The following ERC2 variants were observed in gnomAD, a reference collection of about 807,000 sequenced individuals.
The protein encoded by ERC2 is ERC protein 2.
ERC2 carries 42 observed loss-of-function variants against 114.8 expected under a neutral mutation model. The observed-to-expected ratio is 0.37, with a 90% CI of 0.29 to 0.47. The LOEUF is 0.47. Among genes scored for constraint, ERC2 ranks in the 20% least tolerant of loss-of-function variants. ERC2 has a pLI of 0.99. For synonymous variants in ERC2, 454 were observed against 425.5 expected (o/e 1.07, Z -0.82); for missense variants, 939 against 1,150.7 (o/e 0.82, Z 2.66).
intron 17 of ERC2, among the ~76,000 whole-genome samples, chr3:55,654,149 C>T (rs550403299): frequency 3.3e-5 from 5 of 152,374 alleles, no homozygotes; most frequent in South Asian, 2.1e-4. Context: ...ACACACAGGT[C>T]TCAGCTCCTC....
intron 17 of ERC2, among the ~76,000 whole-genome samples, chr3:55,523,222 A>G (rs2053082256): frequency 6.6e-6 from 1 of 152,206 alleles, no homozygotes; most frequent in Non-Finnish European, 1.5e-5. Flanking sequence ...CCCCTGGAAG[A>G]CCCATGGATA....
chr3:55,868,256 G>A (rs539698107), intron 14 of ERC2, among the ~76,000 whole-genome samples: 6 of 152,306 alleles, frequency 3.9e-5, no homozygotes, highest in Admixed American at 3.3e-4. Flanking sequence ...GTCAAGTCCT[G>A]CATCTACAAC....
rs144620015 is a variant in ERC2 at position 55,779,010 on chromosome 3, A to C, written c.2565-44092T>G. 5.1e-3 allele frequency among the ~76,000 whole-genome samples: 775 copies of C among 152,280 alleles called. 5 individuals are homozygous for C. The highest frequency in any genetic ancestry group is 0.018 in the African/African-American group (728 of 41,552). On this transcript the variant is annotated intron_variant, in intron 14 of 17. Transcript: ENST00000288221. ...ATGAAATGGACAATACTCTAGCAAA[A>C]CAAAAATAATAGGGAAGAGGCAGAT...
At chr3:56,229,796 C>T (rs1386513087) in intron 3 of ERC2, among the ~76,000 whole-genome samples, 2 of 148,082 alleles carry the variant, frequency 1.4e-5, no homozygotes, top group Admixed American at 6.8e-5. Flanking sequence ...GAATTAGGAA[C>T]ATTCTGAGGC....
At chr3:55,535,254 C>G (rs988689213) in intron 17 of ERC2, among the ~76,000 whole-genome samples, 3 of 152,190 alleles carry the variant, frequency 2.0e-5, no homozygotes, top group African/African-American at 7.2e-5. Flanking sequence ...GAAATATCCT[C>G]TGGAATATTG....
At chr3:56,125,060 T>C (rs143773592) in intron 6 of ERC2, among the ~76,000 whole-genome samples, 179 of 152,294 alleles carry the variant, frequency 1.2e-3, no homozygotes, top group African/African-American at 4.2e-3. Context: ...AGCTTCCTTC[T>C]TCTAGACTGG....
At chr3:56,033,361 T>A (rs935563647) in intron 7 of ERC2, among the ~76,000 whole-genome samples, 6 of 152,242 alleles carry the variant, frequency 3.9e-5, no homozygotes, top group African/African-American at 1.4e-4. Context: ...CTATTACAGT[T>A]TTAGAGTACC....
chr3:55,680,625 T>C (rs1270137052), intron 17 of ERC2, among the ~76,000 whole-genome samples: 1 of 152,164 alleles, frequency 6.6e-6, no homozygotes, highest in Non-Finnish European at 1.5e-5. Flanking sequence ...ATTGAAAGTA[T>C]GTGTGAGTGT....
chr3:56,389,969 G>A (rs1264876843), intron 2 of ERC2, among the ~76,000 whole-genome samples: 1 of 152,074 alleles, frequency 6.6e-6, no homozygotes. Context: ...ACTGTGAAAG[G>A]GAGCCTTAAA....
intron 14 of ERC2, among the ~76,000 whole-genome samples, chr3:55,876,162 C>G (rs1478311707): frequency 6.6e-6 from 1 of 152,212 alleles, no homozygotes. Context: ...TCTGAGTCTT[C>G]ATTGACATGG....
intron 12 of ERC2, among the ~76,000 whole-genome samples, chr3:55,958,115 AGAACGGCTCTCAGGAGACCC>A (rs1559933132): frequency 6.6e-6 from 1 of 152,236 alleles, no homozygotes; most frequent in Non-Finnish European, 1.5e-5. Context: ...ACTGAGTGAC[AGAACGGCTCTCAGGAGACCC>A]GAAATGGGTA....
At chr3:56,027,910 CA>C (rs2074145159) in intron 7 of ERC2, among the ~76,000 whole-genome samples, 1 of 152,140 alleles carries the variant, frequency 6.6e-6, no homozygotes, top group Non-Finnish European at 1.5e-5. Context: ...GTTTTTCTAA[CA>C]AATTTATACT....
intron 17 of ERC2, among the ~76,000 whole-genome samples, chr3:55,641,136 A>G (rs934391190): frequency 1.3e-5 from 2 of 152,194 alleles, no homozygotes; most frequent in South Asian, 2.1e-4. Context: ...CTAGAGAATG[A>G]AATCCCCTTG....
chr3:56,373,375 A>G (rs1243355517), intron 2 of ERC2, among the ~76,000 whole-genome samples: 3 of 152,206 alleles, frequency 2.0e-5, no homozygotes, highest in African/African-American at 7.2e-5. Flanking sequence ...AATTTCTATA[A>G]GCTAAAAAGA....
At chr3:55,667,974 T>C (rs1201218724) in intron 17 of ERC2, among the ~76,000 whole-genome samples, 1 of 152,170 alleles carries the variant, frequency 6.6e-6, no homozygotes, top group Non-Finnish European at 1.5e-5. Context: ...CCCTGGCCTC[T>C]ACCTACTGGA....
intron 6 of ERC2, among the ~76,000 whole-genome samples, chr3:56,102,468 GA>G (rs772363708): frequency 3.9e-5 from 6 of 152,104 alleles, no homozygotes; most frequent in Non-Finnish European, 7.4e-5. Context: ...GAATCCTGGG[GA>G]CTGGATTCAC....
chr3:56,177,796 T>G (rs2083061652), intron 3 of ERC2, among the ~76,000 whole-genome samples: 1 of 152,202 alleles, frequency 6.6e-6, no homozygotes, highest in South Asian at 2.1e-4. Context: ...TGAATTGGTT[T>G]CTAATGCTCT....
chr3:55,834,455 C>T (rs1202742666), intron 14 of ERC2, among the ~76,000 whole-genome samples: 1 of 152,094 alleles, frequency 6.6e-6, no homozygotes, highest in African/African-American at 2.4e-5. Context: ...GATTAAGAAA[C>T]TCACTCAAAA....
rs565512826 is a variant in ERC2 at position 56,296,503 on chromosome 3, C to T, written c.658-68G>A. The T allele has an allele frequency of 5.7e-5, 84 of 1,462,746 alleles. No homozygotes were observed. In the Middle Eastern group the frequency reaches 1.2e-3, roughly 20 times the overall value. 90.6% of individuals were successfully genotyped at this position (1,462,746 alleles called of 1,614,324 possible). ...AAAAGTCAATGAAAATGTCAAGTGCCGCTTGCTGCCACCACACTATGAAGA... is the reference window on the plus strand; with the variant it reads ...AAAAGTCAATGAAAATGTCAAGTGCTGCTTGCTGCCACCACACTATGAAGA... On this transcript the variant is annotated intron_variant, in intron 2 of 17. Transcript: ENST00000288221.
Sources: gnomAD v4.1 joint callset for allele counts (sites outside exome capture counted in the v4.1 genomes callset) on GRCh38, gnomAD v4.1.1 for gene constraint, MANE v1.5 for transcripts, NCBI Gene and HGNC (gene_info 2026-07-23, HGNC 2026-07-21) for gene names.